Variants in OSBPL3 observed in about 807,000 individuals in gnomAD.
OSBPL3 encodes the protein oxysterol-binding protein-related protein 3.
In OSBPL3, 65 loss-of-function variants were observed where a neutral mutation model predicts 120.1. The observed-to-expected ratio is 0.54, with a 90% confidence interval of 0.44 to 0.67. The LOEUF (loss-of-function observed/expected upper bound fraction) is 0.67, where lower values mean the gene tolerates loss of function less well. Among genes scored for constraint, OSBPL3 ranks in the 30% least tolerant of loss-of-function variants. The pLI is 0.00. For synonymous variants in OSBPL3, 416 were observed against 402.6 expected (o/e 1.03, Z -0.40); for missense variants, 1,004 against 1,082.1 (o/e 0.93, Z 1.01).
chr7:24,863,286 AT>A lies in OSBPL3; in HGVS notation c.783del (p.Ser262LeufsTer38). 6.2e-7 allele frequency: 1 copy of A among 1,613,602 alleles called. No homozygotes were observed. The highest frequency in any genetic ancestry group is 8.5e-7 in the Non-Finnish European group (1 of 1,179,508). On this transcript the variant is annotated frameshift_variant, in exon 9 of 23. Transcript: ENST00000313367. LOFTEE classifies it high-confidence loss of function. The surrounding 1 kb of genome is among the most constrained non-coding windows in gnomAD (Gnocchi z 5.8). The part of the protein sequence containing the change: ...SAPAINAIQG[G>X]SFESPKKEKR... ...TTTTCCTTTTTGGGACTTTCAAAAG[AT>A]CCACCCTTTGTTTCAAAACAGGAAA...
chr7:24,915,141 G>C (rs967947398), intron 1 of OSBPL3, among the ~76,000 whole-genome samples: 4 of 152,136 alleles, frequency 2.6e-5, no homozygotes, highest in Admixed American at 2.6e-4. Flanking sequence ...TCTTTTAAGA[G>C]GGTTCCCACA....
rs1046722545 is a variant in OSBPL3, at chr7:24,802,598, C to T, written c.2567+1717G>A. On this transcript the variant is annotated intron_variant, in intron 22 of 22. Coordinates refer to ENST00000313367, the MANE Select transcript of OSBPL3 (RefSeq NM_015550.4). The surrounding 1 kb of genome is among the most constrained non-coding windows in gnomAD (Gnocchi z 4.1). ...GTTTCCAGCAGAGCTCCACAGGCTT[C>T]GTAAGGTCATCCTTAATGCCTCATG... Among the ~76,000 whole-genome samples the T allele has an allele frequency of 1.3e-5, 2 of 152,192 alleles. No individual in the cohort carries two copies. The highest frequency in any genetic ancestry group is 6.5e-5 in the Admixed American group (1 of 15,288).
chr7:24,980,206 A>G (rs1255896561), upstream of OSBPL3: 2 of 275,298 alleles, frequency 7.3e-6, no homozygotes, highest in Non-Finnish European at 1.1e-5. Context: ...GATTAGCCCG[A>G]GGAGCCGCGC....
At chr7:24,957,758 A>C (rs1274508045) in intron 1 of OSBPL3, among the ~76,000 whole-genome samples, 2 of 152,186 alleles carry the variant, frequency 1.3e-5, no homozygotes, top group Non-Finnish European at 2.9e-5. Flanking sequence ...AGATGAATTC[A>C]ATAAAACCTA....
chr7:24,945,575 A>C (rs1813624141), intron 1 of OSBPL3, among the ~76,000 whole-genome samples: 1 of 152,226 alleles, frequency 6.6e-6, no homozygotes, highest in African/African-American at 2.4e-5. Context: ...ATGATTCCAA[A>C]TGTGGTTGAA....
chr7:24,863,657 G>T lies in OSBPL3; in HGVS notation c.674-58C>A. 9.1e-7 allele frequency: 1 copy of T among 1,100,020 alleles called. No homozygotes were observed. The highest frequency in any genetic ancestry group is 1.4e-6 in the Non-Finnish European group (1 of 715,678). The allele number at this position is 1,100,020 out of a possible 1,614,324, so 68.1% of individuals were successfully genotyped here. A position where few individuals can be genotyped will look rare whatever the true frequency, so the allele number is the denominator to read the frequency against. ...CTCCACTAGCAAGAGGGATCACTGT[G>T]CTGTCCCCATGCCAGCTACTTTTCC... On this transcript the variant is annotated intron_variant, in intron 7 of 22. Coordinates refer to ENST00000313367, the MANE Select transcript of OSBPL3 (RefSeq NM_015550.4). This position sits in a 1 kb window ranked among gnomAD's most constrained non-coding sequence, Gnocchi z 5.8.
At chr7:24,874,697 G>A (rs1472361815) in intron 2 of OSBPL3, among the ~76,000 whole-genome samples, 2 of 151,838 alleles carry the variant, frequency 1.3e-5, no homozygotes, top group Non-Finnish European at 2.9e-5. Context: ...AAAATATTGT[G>A]TTTTCTTCAT....
In OSBPL3 at chr7:24,947,028, GA is replaced by G. The variant is rs1160820056; in HGVS notation, c.-150+32857del. On this transcript the variant is annotated intron_variant, in intron 1 of 22. Coordinates refer to ENST00000313367, the MANE Select transcript of OSBPL3 (RefSeq NM_015550.4). This position sits in a 1 kb window ranked among gnomAD's most constrained non-coding sequence, Gnocchi z 4.4. ...TCATGTCTTTAAATTGTACAACAAA[GA>G]AAACAATCTGTACCACAGAAGGCTG... Among the ~76,000 whole-genome samples, 2 of 152,272 alleles carry G rather than the reference GA, an allele frequency of 1.3e-5. No homozygotes were observed. Among genetic ancestry groups the G allele is most frequent in the East Asian group, 3.9e-4 (2 of 5,188 alleles).
chr7:24,959,187 C>T lies in OSBPL3; in HGVS notation c.-150+20699G>A, dbSNP rs528093406. On this transcript the variant is annotated intron_variant, in intron 1 of 22. Transcript: ENST00000313367. This position sits in a 1 kb window ranked among gnomAD's most constrained non-coding sequence, Gnocchi z 4.3. ...TTTGGGGGAATCAACTGAAGCTAAA[C>T]ATATGTTAACTCTGTGACCCAGCAA... 6.6e-6 allele frequency among the ~76,000 whole-genome samples: 1 copy of T among 152,254 alleles called. No individual in the cohort carries two copies. The highest frequency in any genetic ancestry group is 2.1e-4 in the South Asian group (1 of 4,828).
chr7:24,880,818 G>A (rs1162933285), intron 2 of OSBPL3, among the ~76,000 whole-genome samples: 2 of 152,178 alleles, frequency 1.3e-5, no homozygotes, highest in African/African-American at 2.4e-5. Context: ...ACAGGCTCCT[G>A]TGTGAATGGG....
At chr7:24,973,958 A>G (rs190971614) in intron 1 of OSBPL3, among the ~76,000 whole-genome samples, 4 of 152,360 alleles carry the variant, frequency 2.6e-5, no homozygotes, top group East Asian at 1.9e-4. Flanking sequence ...TTAAGTAGAC[A>G]AAGAGTAAAA....
At chr7:24,948,657 A>T (rs1344111575) in intron 1 of OSBPL3, among the ~76,000 whole-genome samples, 8 of 152,206 alleles carry the variant, frequency 5.3e-5, no homozygotes, top group African/African-American at 1.9e-4. Flanking sequence ...TAAAAATCTC[A>T]GGATCCTTAA....
Position 24,948,878 on chromosome 7 carries a change from A to G in OSBPL3, c.-150+31008T>C, listed in dbSNP as rs183568967. On this transcript the variant is annotated intron_variant, in intron 1 of 22. Transcript: ENST00000313367. ...CATCACAGGAAATCAGTTGTTCGTAATAACAACACTGCTCCTAGTCAACAG... is the reference window on the plus strand; with the variant it reads ...CATCACAGGAAATCAGTTGTTCGTAGTAACAACACTGCTCCTAGTCAACAG... 1.4e-3 allele frequency among the ~76,000 whole-genome samples: 207 copies of G among 152,384 alleles called. 1 individual carries two copies. Among genetic ancestry groups the G allele is most frequent in the Non-Finnish European group, 2.7e-3 (182 of 68,040 alleles).
intron 16 of OSBPL3, among the ~76,000 whole-genome samples, chr7:24,823,618 AC>A (rs1390028164): frequency 1.3e-5 from 2 of 152,148 alleles, no homozygotes; most frequent in Admixed American, 6.5e-5. Context: ...GAGAAAAAAA[AC>A]TTTTGAATTT....
Position 24,808,673 on chromosome 7 carries a change from T to G in OSBPL3, c.2317+1134A>C, listed in dbSNP as rs1793377817. Reference sequence around the variant, plus strand: ...TGCCTACTTGACCATCATTTCTCTTTCTTGCTTGCTAACAGAATACTGATT... The same window carrying G: ...TGCCTACTTGACCATCATTTCTCTTGCTTGCTTGCTAACAGAATACTGATT... On this transcript the variant is annotated intron_variant, in intron 20 of 22. Transcript: ENST00000313367. The surrounding 1 kb of genome is among the most constrained non-coding windows in gnomAD (Gnocchi z 4.6). Among the ~76,000 whole-genome samples the G allele has an allele frequency of 1.3e-5, 2 of 152,186 alleles. No homozygotes were observed. The highest frequency in any genetic ancestry group is 1.3e-4 in the Admixed American group (2 of 15,282).
In OSBPL3 at chr7:24,967,004, A is replaced by G. The variant is rs1240402184; in HGVS notation, c.-150+12882T>C. On this transcript the variant is annotated intron_variant, in intron 1 of 22. Coordinates refer to ENST00000313367, the MANE Select transcript of OSBPL3 (RefSeq NM_015550.4). This position sits in a 1 kb window ranked among gnomAD's most constrained non-coding sequence, Gnocchi z 5.6. ...CATAAGATAAGCAATACACTGCCAC[A>G]CAGGCAAATTCAGCTTAAGAGACTG... Among the ~76,000 whole-genome samples, 4 of 152,340 alleles carry G rather than the reference A, an allele frequency of 2.6e-5. No individual in the cohort carries two copies. The South Asian group carries it at 6.2e-4, about 24-fold the overall frequency.
chr7:24,828,632 A>AAAAG (rs1562786112), intron 16 of OSBPL3, among the ~76,000 whole-genome samples: 11 of 148,510 alleles, frequency 7.4e-5, no homozygotes, highest in African/African-American at 2.7e-4. Flanking sequence ...GAAAAAAAAA[A>AAAAG]AAAAGGCATC....
intron 1 of OSBPL3, among the ~76,000 whole-genome samples, chr7:24,941,745 A>G (rs961676888): frequency 2.6e-5 from 4 of 152,246 alleles, no homozygotes; most frequent in African/African-American, 9.6e-5. Context: ...TAACACATTT[A>G]GTTATCTGAA....
intron 5 of OSBPL3, among the ~76,000 whole-genome samples, chr7:24,866,758 G>T (rs1562853473): frequency 6.6e-6 from 1 of 152,188 alleles, no homozygotes; most frequent in Non-Finnish European, 1.5e-5. Context: ...GAGTAAAAAT[G>T]ATCTTTATAA....
Sources: gnomAD v4.1 joint callset for allele counts (sites outside exome capture counted in the v4.1 genomes callset) on GRCh38, gnomAD v4.1.1 for gene constraint, Gnocchi (gnomAD v3.1) non-coding constraint, MANE v1.5 for transcripts, NCBI Gene and HGNC (gene_info 2026-07-23, HGNC 2026-07-21) for gene names.